Variants in PIK3R6 observed in about 807,000 individuals in gnomAD.
PIK3R6 encodes phosphoinositide-3-kinase regulatory subunit 6, also known as phosphoinositide 3-kinase regulatory subunit 6.
A neutral mutation model predicts 84.9 loss-of-function variants in PIK3R6; 91 were observed. The observed-to-expected ratio is 1.07, with a 90% CI of 0.90 to 1.28. The LOEUF is 1.28. Ranked by LOEUF, PIK3R6 falls within the 50% of genes most tolerant of loss-of-function variation. The pLI, the probability that PIK3R6 is intolerant of heterozygous loss-of-function variation, is 0.00. For synonymous variants in PIK3R6, 416 were observed against 411.4 expected (o/e 1.01, Z -0.13); for missense variants, 996 against 985.1 (o/e 1.01, Z -0.15).
rs538060170 is a variant in PIK3R6 at position 8,857,825 on chromosome 17, G to A, written c.-91-7940C>T. ...TGAGGCAGGAGAATCGCTTGAATCC[G>A]GGAGGCAGAGGTTGCAGTGAGCTGC... On this transcript the variant is annotated intron_variant, in intron 1 of 19. Transcript: ENST00000619866. 3.0e-4 allele frequency among the ~76,000 whole-genome samples: 45 copies of A among 151,802 alleles called. 1 individual carries two copies. Among genetic ancestry groups the A allele is most frequent in the African/African-American group, 3.9e-4 (16 of 41,388 alleles).
chr17:8,832,865 GCCC>G (rs777125961), intron 9 of PIK3R6, 21 bp downstream of exon 9: 6 of 1,611,972 alleles, frequency 3.7e-6, no homozygotes, highest in Non-Finnish European at 4.2e-6. Flanking sequence ...TCTTGCCAAG[GCCC>G]CCCATCTGCC....
Position 8,828,100 on chromosome 17 carries a change from C to G in PIK3R6, c.1392+12G>C. ...TCTCTGCCCCGCCACCGCCTCCCCGCGGTCCAGTCACCTCAGGCGCCAGCA... is the reference window on the plus strand; with the variant it reads ...TCTCTGCCCCGCCACCGCCTCCCCGGGGTCCAGTCACCTCAGGCGCCAGCA... On this transcript the variant is annotated intron_variant, in intron 12 of 19. Coordinates refer to ENST00000619866, the MANE Select transcript of PIK3R6 (RefSeq NM_001010855.4). 1 of 1,613,398 alleles carries G rather than the reference C, an allele frequency of 6.2e-7. No homozygotes were observed. Among genetic ancestry groups the G allele is most frequent in the Non-Finnish European group, 8.5e-7 (1 of 1,179,476 alleles).
At chr17:8,840,834 T>G (rs967272730) in intron 2 of PIK3R6, among the ~76,000 whole-genome samples, 81 of 151,710 alleles carry the variant, frequency 5.3e-4, no homozygotes, top group African/African-American at 1.9e-3. Flanking sequence ...CTCACTGCAA[T>G]CTCCGCCTCC....
intron 13 of PIK3R6, among the ~76,000 whole-genome samples, chr17:8,826,488 G>A (rs2087922042): frequency 1.3e-5 from 2 of 152,168 alleles, no homozygotes; most frequent in Admixed American, 1.3e-4. Flanking sequence ...GGGACATGGT[G>A]AAGCTGGAAA....
chr17:8,849,055 G>GT (rs2151294708), intron 2 of PIK3R6, among the ~76,000 whole-genome samples: 1 of 152,050 alleles, frequency 6.6e-6, no homozygotes, highest in Admixed American at 6.6e-5. Flanking sequence ...TTTCCCTGTT[G>GT]TCCCAAGTTG....
In PIK3R6 at chr17:8,867,568, A is replaced by G; in HGVS notation, c.-131T>C. On this transcript the variant is annotated 5_prime_UTR_variant, in exon 1 of 20. Coordinates refer to ENST00000619866, the MANE Select transcript of PIK3R6 (RefSeq NM_001010855.4). The stretch of plus-strand genomic sequence containing the variant: ...AGCTTCTGGGCTCCCCAAGTCCTTC[A>G]GCCAACTCCCCACGGTCCTGAGCGA... 2.0e-6 allele frequency: 1 copy of G among 507,616 alleles called. No individual in the cohort carries two copies. Among genetic ancestry groups the G allele is most frequent in the Non-Finnish European group, 4.0e-6 (1 of 252,968 alleles). 31.4% of individuals were successfully genotyped at this position (507,616 alleles called of 1,614,324 possible). A position where few individuals can be genotyped will look rare whatever the true frequency, so the allele number is the denominator to read the frequency against.
intron 18 of PIK3R6, among the ~76,000 whole-genome samples, chr17:8,804,617 A>C (rs1422378711): frequency 6.6e-6 from 1 of 152,202 alleles, no homozygotes; most frequent in Admixed American, 6.5e-5. Context: ...TCTAGAAAGC[A>C]GCCAAAGACC....
rs2087649916 is a variant in PIK3R6 at position 8,819,591 on chromosome 17, C to T, written c.1880-393G>A. Among the ~76,000 whole-genome samples the T allele has an allele frequency of 2.0e-5, 3 of 151,542 alleles. No homozygotes were observed. In the South Asian group the frequency reaches 6.2e-4, roughly 32 times the overall value. On this transcript the variant is annotated intron_variant, in intron 17 of 19. Transcript: ENST00000619866. ...CCAGGGATGTTGTGCAGGACAGAGG[C>T]TCCAAGTGGGTGAGGAGGGCATCAG...
At chr17:8,867,075 C>T (rs944640975) in intron 1 of PIK3R6, among the ~76,000 whole-genome samples, 9 of 152,210 alleles carry the variant, frequency 5.9e-5, no homozygotes, top group African/African-American at 2.2e-4. Flanking sequence ...CTAACCCACT[C>T]TGCAATCTTT....
intron 1 of PIK3R6, among the ~76,000 whole-genome samples, chr17:8,853,270 G>A (rs2089024222): frequency 6.6e-6 from 1 of 151,670 alleles, no homozygotes; most frequent in Admixed American, 6.6e-5. Context: ...CAGATCACAG[G>A]ATCAGCAGAT....
intron 10 of PIK3R6, 138 bp downstream of exon 10, chr17:8,829,568 A>G (rs2088144081): frequency 2.3e-6 from 2 of 880,988 alleles, no homozygotes; most frequent in East Asian, 2.8e-5. Context: ...ATGCACACAT[A>G]CACACACAGA....
chr17:8,827,817 A>AGAGC (rs2087996657), intron 12 of PIK3R6, among the ~76,000 whole-genome samples: 1 of 116,300 alleles, frequency 8.6e-6, no homozygotes, highest in Non-Finnish European at 1.8e-5. Flanking sequence ...AGAGAGAGAG[A>AGAGC]CCGCCCTGTG....
At chr17:8,855,763 G>A (rs944341207) in intron 1 of PIK3R6, among the ~76,000 whole-genome samples, 20 of 152,310 alleles carry the variant, frequency 1.3e-4, no homozygotes, top group African/African-American at 4.8e-4. Flanking sequence ...CAGCCGTTCT[G>A]GAAAACAGTT....
intron 9 of PIK3R6, among the ~76,000 whole-genome samples, chr17:8,830,790 A>G (rs1421869331): frequency 2.0e-5 from 3 of 151,668 alleles, no homozygotes; most frequent in Admixed American, 1.3e-4. Flanking sequence ...TATAATCACC[A>G]CTCCATACTG....
intron 18 of PIK3R6, among the ~76,000 whole-genome samples, chr17:8,810,494 C>G (rs2087328073): frequency 6.7e-6 from 1 of 148,352 alleles, no homozygotes; most frequent in Non-Finnish European, 1.5e-5. Context: ...ACTGAAAAGT[C>G]CACAGTCCAA....
Position 8,803,354 on chromosome 17 carries a change from C to A in PIK3R6, c.2184G>T (p.Gly728=). The A allele has an allele frequency of 6.2e-7, 1 of 1,613,590 alleles. No homozygotes were observed. The highest frequency in any genetic ancestry group is 8.5e-7 in the Non-Finnish European group (1 of 1,179,800). Residue 728 remains glycine (G), a synonymous_variant, in exon 20 of 20, where the codon GGG becomes GGT. Coordinates refer to ENST00000619866, the MANE Select transcript of PIK3R6 (RefSeq NM_001010855.4). This position sits in a 1 kb window ranked among gnomAD's most constrained non-coding sequence, Gnocchi z 5.0. The stretch of plus-strand genomic sequence containing the variant: ...CTTTGATTGCTTCCACCTCCTGTTG[C>A]CCATGCAAATTGAGCCACGGTGCCT... ...KSKAPWLNLH[G]QQEVEAIKAK...
chr17:8,829,623 C>T, intron 10 of PIK3R6, 83 bp downstream of exon 10: 1 of 1,355,300 alleles, frequency 7.4e-7, no homozygotes, highest in Non-Finnish European at 1.0e-6. Flanking sequence ...CACACGCATG[C>T]ACACTGACAC....
rs74743004 is a variant in PIK3R6 at position 8,843,765 on chromosome 17, G to T, written c.14-4068C>A. Among the ~76,000 whole-genome samples, 35 of 152,220 alleles carry T rather than the reference G, an allele frequency of 2.3e-4. No individual in the cohort carries two copies. The East Asian group carries it at 6.4e-3, about 28-fold the overall frequency. On this transcript the variant is annotated intron_variant, in intron 2 of 19. Coordinates refer to ENST00000619866, the MANE Select transcript of PIK3R6 (RefSeq NM_001010855.4). ...CACCGAACCTGGATTCTTCTCACAT[G>T]TGACAATCATAGGGGGTGGGGAGCA...
In PIK3R6 at chr17:8,803,938, G is replaced by A. The variant is rs543176538; in HGVS notation, c.2108+103C>T. 5.3e-5 allele frequency: 53 copies of A among 1,002,376 alleles called. No individual in the cohort carries two copies. The highest frequency in any genetic ancestry group is 2.4e-4 in the African/African-American group (15 of 62,864). 62.1% of individuals were successfully genotyped at this position (1,002,376 alleles called of 1,614,324 possible). On this transcript the variant is annotated intron_variant, in intron 19 of 19. Transcript: ENST00000619866. This position sits in a 1 kb window ranked among gnomAD's most constrained non-coding sequence, Gnocchi z 5.0. ...CTGCCTGGCCACAGGATCTACCTCC[G>A]ATGAGGTGCCTTGAGCTAGAGGCAG...
Sources: allele counts gnomAD v4.1 joint callset (sites outside exome capture counted in the v4.1 genomes callset), GRCh38; gene constraint gnomAD v4.1.1; non-coding constraint Gnocchi (gnomAD v3.1); transcripts MANE v1.5; gene names NCBI Gene and HGNC (gene_info 2026-07-23, HGNC 2026-07-21).